REPS2: variants seen among roughly 807,000 people sequenced by gnomAD.
REPS2 encodes the protein RALBP1 associated Eps domain containing 2, also known as ralBP1-associated Eps domain-containing protein 2.
Under a neutral mutation model 53.6 loss-of-function variants are expected in REPS2, and 23 were observed. The ratio of observed to expected loss-of-function variants is 0.43; its 90% CI spans 0.31 to 0.61. The LOEUF is 0.61. Ranked by LOEUF, REPS2 falls within the 20% of genes least tolerant of loss-of-function variation. The probability of loss-of-function intolerance (pLI) is 0.11; values close to 1 mark genes in which losing one functional copy is unlikely to be tolerated. For missense variants in REPS2, 446 were observed against 534.9 expected, an observed-to-expected ratio of 0.83 and a Z score of 1.64; for synonymous variants, 238 against 218.6, an observed-to-expected ratio of 1.09 and a Z score of -0.78.
At chrX:16,964,175 C>G (rs374986894) in intron 1 of REPS2, among the ~76,000 whole-genome samples, 1 of 107,283 alleles carries the variant, frequency 9.3e-6, no homozygotes, top group Non-Finnish European at 1.9e-5. Flanking sequence ...AGGACCCTGC[C>G]GCCTTCCGCA....
chrX:17,081,322 AC>A (rs1231944862), intron 13 of REPS2, among the ~76,000 whole-genome samples: 1 of 111,627 alleles, frequency 9.0e-6, no homozygotes, highest in African/African-American at 3.3e-5. Context: ...GATGGTTGTT[AC>A]ATAGGAGTGA....
chrX:17,095,618 T>A (rs2062686534), intron 13 of REPS2, among the ~76,000 whole-genome samples: 1 of 109,693 alleles, frequency 9.1e-6, no homozygotes. Flanking sequence ...TATTTTGAGT[T>A]ATCAGGTGAG....
chrX:17,007,893 A>C (rs1192269271), intron 2 of REPS2, among the ~76,000 whole-genome samples: 1 of 112,354 alleles, frequency 8.9e-6, no homozygotes, highest in Non-Finnish European at 1.9e-5. Flanking sequence ...TGAGTAACTT[A>C]CCTAAGAATA....
At chrX:17,080,490 T>C (rs1439225199) in intron 13 of REPS2, among the ~76,000 whole-genome samples, 5 of 111,445 alleles carry the variant, frequency 4.5e-5, no homozygotes, top group Non-Finnish European at 7.5e-5. Flanking sequence ...TAATTTCATG[T>C]CCGTATCTTT....
At chrX:16,978,351 G>T (rs1329895429) in intron 1 of REPS2, among the ~76,000 whole-genome samples, 1 of 111,949 alleles carries the variant, frequency 8.9e-6, no homozygotes, top group Non-Finnish European at 1.9e-5. Flanking sequence ...GAGCACAGAA[G>T]ACCTTTTACT....
intron 5 of REPS2, among the ~76,000 whole-genome samples, chrX:17,039,595 T>A (rs2061806525): frequency 8.9e-6 from 1 of 112,247 alleles, no homozygotes; most frequent in Admixed American, 9.4e-5. Context: ...ATTGCAGCAA[T>A]GATTTAGGCA....
At chrX:17,177,622 T>G in the REPS2 span, among the ~76,000 whole-genome samples, 1 of 111,635 alleles carries the variant, frequency 9.0e-6, no homozygotes, top group Non-Finnish European at 1.9e-5. Context: ...TTCTCTTTTC[T>G]GCTCCCCTCC....
chrX:17,012,404 C>CAAA (rs1402291068), intron 2 of REPS2, among the ~76,000 whole-genome samples: 1 of 111,010 alleles, frequency 9.0e-6, no homozygotes, highest in African/African-American at 3.3e-5. Flanking sequence ...ACAACAACAA[C>CAAA]AACAACAACA....
intron 1 of REPS2, among the ~76,000 whole-genome samples, chrX:16,977,736 A>C (rs1157361104): frequency 9.7e-6 from 1 of 102,718 alleles, no homozygotes; most frequent in East Asian, 3.1e-4. Context: ...AAAAAAAAAC[A>C]AACAAAAGAT....
intron 1 of REPS2, among the ~76,000 whole-genome samples, chrX:16,965,883 G>C (rs867765479): frequency 8.9e-6 from 1 of 112,810 alleles, no homozygotes; most frequent in South Asian, 3.6e-4. Context: ...CGAGGCTGGC[G>C]GGTCACTCGC....
the REPS2 span, among the ~76,000 whole-genome samples, chrX:17,194,105 A>G: frequency 2.7e-5 from 3 of 111,584 alleles, no homozygotes; most frequent in Middle Eastern, 4.6e-3. Flanking sequence ...TTGAATACCT[A>G]AGTATGAATT....
chrX:17,052,987 T>C (rs1301845482), intron 7 of REPS2, among the ~76,000 whole-genome samples: 2 of 111,478 alleles, frequency 1.8e-5, no homozygotes, highest in African/African-American at 6.5e-5. Context: ...CTTTATGCAC[T>C]CTGGTTCCAA....
intron 12 of REPS2, 142 bp from the exon 13 acceptor site, chrX:17,077,129 G>A: frequency 8.8e-6 from 5 of 566,680 alleles, no homozygotes; most frequent in Middle Eastern, 3.5e-4. Flanking sequence ...GGCATTCAAT[G>A]GGTAATAGAA....
At chrX:16,964,509 A>G (rs1391225357) in intron 1 of REPS2, among the ~76,000 whole-genome samples, 14 of 109,342 alleles carry the variant, frequency 1.3e-4, no homozygotes, top group African/African-American at 3.7e-4. Flanking sequence ...CAAAACCGCC[A>G]TTGTCATCAT....
intron 14 of REPS2, among the ~76,000 whole-genome samples, chrX:17,115,376 G>T (rs1375892976): frequency 9.0e-6 from 1 of 110,841 alleles, no homozygotes; most frequent in African/African-American, 3.3e-5. Context: ...ATTGTTGCCC[G>T]CATGTCCCAC....
chrX:17,167,475 T>C, the REPS2 span, among the ~76,000 whole-genome samples: 4 of 110,397 alleles, frequency 3.6e-5, no homozygotes, highest in Non-Finnish European at 7.6e-5. Context: ...ACTTAACTGT[T>C]GTCCACTCAG....
chrX:17,002,048 A>T (rs1047843223), intron 1 of REPS2, among the ~76,000 whole-genome samples: 1 of 111,774 alleles, frequency 8.9e-6, no homozygotes, highest in Non-Finnish European at 1.9e-5. Context: ...GTTGTATGAT[A>T]ATATTGTGTT....
chrX:17,164,260 A>G, the REPS2 span, among the ~76,000 whole-genome samples: 2 of 111,796 alleles, frequency 1.8e-5, no homozygotes, highest in African/African-American at 6.5e-5. Context: ...TTAAGTATAA[A>G]TGGGTTAAAC....
In REPS2 at chrX:17,069,608, T is replaced by C. The variant is rs557313243; in HGVS notation, c.1280-332T>C. 3.2e-4 allele frequency among the ~76,000 whole-genome samples: 36 copies of C among 111,943 alleles called. No homozygotes were observed. The South Asian group carries it at 9.7e-3, about 30-fold the overall frequency. ...TGGATTTCACTCCCAGGGATTCTCA[T>C]GTCATCAGTCTGGGTGTCAGGAATG... On this transcript the variant is annotated intron_variant, in intron 10 of 17. Coordinates refer to ENST00000357277, the MANE Select transcript of REPS2 (RefSeq NM_004726.3).
Sources: allele counts gnomAD v4.1 joint callset (sites outside exome capture counted in the v4.1 genomes callset), GRCh38; gene constraint gnomAD v4.1.1; transcripts MANE v1.5; gene names NCBI Gene and HGNC (gene_info 2026-07-23, HGNC 2026-07-21).